Variants in CEP250 observed in about 807,000 individuals in gnomAD.
CEP250 encodes the protein centrosome-associated protein CEP250.
In CEP250, 242 loss-of-function variants were observed where a neutral mutation model predicts 315.7. The ratio of observed to expected loss-of-function variants is 0.77; its 90% CI spans 0.69 to 0.85. The LOEUF (loss-of-function observed/expected upper bound fraction) is 0.85. CEP250 is among the 40% of genes least tolerant of loss of function. CEP250 has a pLI of 0.00. For missense variants in CEP250, 2,515 were observed against 2,886.4 expected (o/e 0.87, Z 2.95); for synonymous variants, 1,088 against 1,175.0 (o/e 0.93, Z 1.51).
At chr20:35,460,765 C>T (rs1332508481) in intron 3 of CEP250, among the ~76,000 whole-genome samples, 1 of 152,218 alleles carries the variant, frequency 6.6e-6, no homozygotes, top group African/African-American at 2.4e-5. Flanking sequence ...CACACAATGG[C>T]TGAAAAGAGC....
At chr20:35,508,005 C>G in intron 31 of CEP250, 30 bp from the exon 32 acceptor site, 23 of 1,613,788 alleles carry the variant, frequency 1.4e-5, no homozygotes, top group Non-Finnish European at 1.9e-5. Flanking sequence ...TAGGGGCTGC[C>G]CAGGTGAGAT....
At chr20:35,470,959 G>A (rs1291824088) in intron 10 of CEP250, among the ~76,000 whole-genome samples, 1 of 152,180 alleles carries the variant, frequency 6.6e-6, no homozygotes, top group Non-Finnish European at 1.5e-5. Flanking sequence ...AAGGTTGGAT[G>A]TTAGAACCCT....
Position 35,503,955 on chromosome 20 carries a change from G to T in CEP250, c.5586G>T (p.Gln1862His). The T allele has an allele frequency of 3.7e-6, 6 of 1,613,064 alleles. No homozygotes were observed. Among genetic ancestry groups the T allele is most frequent in the Non-Finnish European group, 5.1e-6 (6 of 1,179,392 alleles). ...MTLKERHGEL[Q>H]DHKEQARRLE... is the part of the protein sequence containing the mutation. ...TGAAGGAGCGTCATGGAGAGCTTCA[G>T]GACCACAAGGAACAGGCACGAAGGC... Residue 1862 changes from glutamine (Q) to histidine (H), a missense_variant, in exon 30 of 35, where the codon CAG (glutamine) becomes CAT (histidine). Physicochemically the swap from Gln to His is conservative, Grantham distance 24 (BLOSUM62 0). Coordinates refer to ENST00000397527, the MANE Select transcript of CEP250 (RefSeq NM_007186.6). This position sits in a 1 kb window ranked among gnomAD's most constrained non-coding sequence, Gnocchi z 4.2.
rs570749578 is a variant in CEP250 at position 35,477,148 on chromosome 20, T to C, written c.1863+553T>C. ...GCCTCAGCCTCCTGAATATCTGGGA[T>C]TACAGGCATGCACCACCATGCCTGG... On this transcript the variant is annotated intron_variant, in intron 16 of 34. Coordinates refer to ENST00000397527, the MANE Select transcript of CEP250 (RefSeq NM_007186.6). 6.6e-5 allele frequency among the ~76,000 whole-genome samples: 10 copies of C among 152,286 alleles called. No individual in the cohort carries two copies. The South Asian group carries it at 2.1e-3, about 32-fold the overall frequency.
intron 20 of CEP250, among the ~76,000 whole-genome samples, chr20:35,482,823 A>G (rs952152681): frequency 2.6e-5 from 4 of 151,976 alleles, no homozygotes; most frequent in African/African-American, 7.2e-5. Flanking sequence ...CGGCCTCCCA[A>G]AGGGCTGGGA....
rs1188111271 is a variant in CEP250 at position 35,517,541 on chromosome 20, T to C, written c.*5915T>C. The C allele has an allele frequency of 1.3e-5, 2 of 152,158 alleles. No individual in the cohort carries two copies. Among genetic ancestry groups the C allele is most frequent in the Non-Finnish European group, 2.9e-5 (2 of 68,024 alleles). The allele number at this position is 152,158 out of a possible 1,614,324, so 9.4% of individuals were successfully genotyped here. On this transcript the variant is annotated 3_prime_UTR_variant, in exon 35 of 35. Transcript: ENST00000397527. ...TTCCCATGCATCCAAACTTTTTTCT[T>C]TGGTAGACTTTCTTGTCATCTATTT...
At chr20:35,486,205 G>A (rs1487967866) in intron 20 of CEP250, among the ~76,000 whole-genome samples, 1 of 151,344 alleles carries the variant, frequency 6.6e-6, no homozygotes, top group Admixed American at 6.6e-5. Context: ...AGTAGACACT[G>A]GGTTTCACCA....
At chr20:35,499,975 GGA>G (rs2063956455) in intron 27 of CEP250, 72 bp from the exon 28 acceptor site, 1 of 1,587,794 alleles carries the variant, frequency 6.3e-7, no homozygotes, top group Admixed American at 1.7e-5. Context: ...CTGAGAATGA[GGA>G]GAGAGCTTGA....
chr20:35,508,217 A>G lies in CEP250; in HGVS notation c.6906+27A>G, dbSNP rs199667834. ...TGACCCCTCTTCTTGTCCAGTGGGC[A>G]TGCATCTCCACTTCTCGTGTGGTCC... On this transcript the variant is annotated intron_variant, in intron 32 of 34. Transcript: ENST00000397527. 107 of 1,612,138 alleles carry G rather than the reference A, an allele frequency of 6.6e-5. 2 individuals are homozygous for G. The East Asian group carries it at 1.7e-3, about 26-fold the overall frequency.
chr20:35,511,751 G>A lies in CEP250; in HGVS notation c.*125G>A, dbSNP rs572044572. The A allele has an allele frequency of 2.8e-6, 4 of 1,434,170 alleles. No homozygotes were observed. The East Asian group carries it at 7.5e-5, about 27-fold the overall frequency. The allele number at this position is 1,434,170 out of a possible 1,614,324, so 88.8% of individuals were successfully genotyped here. A position where few individuals can be genotyped will look rare whatever the true frequency, so the allele number is the denominator to read the frequency against. ...GCACCCAGGAGCCCCAGGTCGGCGG[G>A]TGTTCCCAGGAAGAGGAAGTAAATC... On this transcript the variant is annotated 3_prime_UTR_variant, in exon 35 of 35. Coordinates refer to ENST00000397527, the MANE Select transcript of CEP250 (RefSeq NM_007186.6).
intron 20 of CEP250, among the ~76,000 whole-genome samples, chr20:35,482,579 A>T (rs1448599501): frequency 6.8e-6 from 1 of 147,076 alleles, no homozygotes; most frequent in Non-Finnish European, 1.5e-5. Flanking sequence ...TATTTTTTTG[A>T]GACAGAGTCT....
chr20:35,504,277 C>G lies in CEP250; in HGVS notation c.5908C>G (p.Leu1970Val). ...CCGGGCTGAGGCTCTGCAGGAGGCCCTTGGCAAGGCTCATGCTGCCCTGCA... is the reference window on the plus strand; with the variant it reads ...CCGGGCTGAGGCTCTGCAGGAGGCCGTTGGCAAGGCTCATGCTGCCCTGCA... ...RARAEALQEALGKAHAALQGK... is the reference protein window; with the variant it reads ...RARAEALQEAVGKAHAALQGK... The change falls in exon 30 of 35, where the codon CTT (leucine) becomes GTT (valine). Residue 1970 changes from leucine (L) to valine (V), a missense_variant. Physicochemically the swap from Leu to Val is conservative, Grantham distance 32. Transcript: ENST00000397527. The G allele has an allele frequency of 6.3e-7, 1 of 1,590,104 alleles. No individual in the cohort carries two copies. The highest frequency in any genetic ancestry group is 1.1e-5 in the South Asian group (1 of 88,284).
rs770702477 is a variant in CEP250 at position 35,511,523 on chromosome 20, C to T, written c.7226C>T (p.Ala2409Val). 2 of 1,614,040 alleles carry T rather than the reference C, an allele frequency of 1.2e-6. No homozygotes were observed. Among genetic ancestry groups the T allele is most frequent in the Non-Finnish European group, 1.7e-6 (2 of 1,180,032 alleles). Reference protein sequence around the residue: ...AQAPEATVLEAETRRLDESLT... With the variant: ...AQAPEATVLEVETRRLDESLT... ...GCCCCTGAGGCCACTGTCCTGGAGG[C>T]AGAGACCCGCAGGCTGGATGAGTCC... The change falls in exon 35 of 35, where the codon GCA (alanine) becomes GTA (valine). Residue 2409 changes from alanine to valine, a missense_variant. Coordinates refer to ENST00000397527, the MANE Select transcript of CEP250 (RefSeq NM_007186.6).
Position 35,498,588 on chromosome 20 carries a change from T to TAAA in CEP250, c.3656-7_3656-6insAAA. On this transcript the variant is annotated splice_polypyrimidine_tract_variant and splice_region_variant and intron_variant, in intron 26 of 34. Transcript: ENST00000397527. ...GCCAGGTAAGGAGGTTTTCCTCATT[T>TAAA]TTTCAGACCAGAATGGAGCTAGGAG... The TAAA allele has an allele frequency of 6.2e-7, 1 of 1,605,110 alleles. No homozygotes were observed. Among genetic ancestry groups the TAAA allele is most frequent in the Non-Finnish European group, 8.5e-7 (1 of 1,177,524 alleles).
At chr20:35,471,654 C>T (rs1010577057) in intron 10 of CEP250, among the ~76,000 whole-genome samples, 16 of 152,172 alleles carry the variant, frequency 1.1e-4, no homozygotes, top group African/African-American at 3.4e-4. Flanking sequence ...CATCCCCTAT[C>T]TAATAATAGT....
At position 35,503,541 on chromosome 20, in the gene CEP250, A is replaced by G. The variant is rs777942034; in HGVS notation, c.5172A>G (p.Leu1724=). 4.3e-6 allele frequency: 7 copies of G among 1,614,114 alleles called. No individual in the cohort carries two copies. The East Asian group carries it at 1.3e-4, about 31-fold the overall frequency. The change falls in exon 30 of 35, where the codon CTA becomes CTG. Residue 1724 remains leucine, a synonymous_variant. Transcript: ENST00000397527. This position sits in a 1 kb window ranked among gnomAD's most constrained non-coding sequence, Gnocchi z 4.2. ...CAAGTAAAGCACAGCGCGGGAGCCT[A>G]GAGCACATGAAGCTGATCCTGCGTG... is the stretch of plus-strand genomic sequence containing the variant. ...KGPSKAQRGS[L]EHMKLILRDK...
chr20:35,483,030 T>A (rs1040173694), intron 20 of CEP250, among the ~76,000 whole-genome samples: 9 of 151,708 alleles, frequency 5.9e-5, no homozygotes, highest in African/African-American at 9.7e-5. Context: ...TTAAAATAAA[T>A]TTTTTTTTGG....
At chr20:35,469,273 G>A (rs547053461) in intron 9 of CEP250, among the ~76,000 whole-genome samples, 1 of 151,988 alleles carries the variant, frequency 6.6e-6, no homozygotes, top group African/African-American at 2.4e-5. Flanking sequence ...TTCCAGCCTG[G>A]GCAACAGAGC....
intron 1 of CEP250, 147 bp from the exon 2 acceptor site, chr20:35,458,157 C>T (rs1212380182): frequency 2.0e-5 from 3 of 152,132 alleles, no homozygotes; most frequent in African/African-American, 7.2e-5. Context: ...CATCTTAGTC[C>T]TTGTAGCATT....
Sources: gnomAD v4.1 joint callset for allele counts (sites outside exome capture counted in the v4.1 genomes callset) on GRCh38, gnomAD v4.1.1 for gene constraint, Gnocchi (gnomAD v3.1) non-coding constraint, MANE v1.5 for transcripts, NCBI Gene and HGNC (gene_info 2026-07-23, HGNC 2026-07-21) for gene names.